ADCY5: variants seen among roughly 807,000 people sequenced by gnomAD.
ADCY5 encodes the protein adenylate cyclase type 5.
A neutral mutation model predicts 119.7 loss-of-function variants in ADCY5; 30 were observed. That is an observed-to-expected ratio of 0.25 (90% CI 0.19 to 0.34). The LOEUF is 0.34. Among genes scored for constraint, ADCY5 ranks in the 10% least tolerant of loss-of-function variants. The probability of loss-of-function intolerance (pLI) is 1.00; values close to 1 mark genes in which losing one functional copy is unlikely to be tolerated. For synonymous variants in ADCY5, 753 were observed against 762.2 expected (o/e 0.99, Z 0.20); for missense variants, 1,324 against 1,775.2 (o/e 0.75, Z 4.57).
chr3:123,377,511 C>G (rs1943877718), intron 1 of ADCY5, among the ~76,000 whole-genome samples: 2 of 152,226 alleles, frequency 1.3e-5, no homozygotes, highest in Non-Finnish European at 2.9e-5. Context: ...CCACACCTCC[C>G]TCCCTCTGAG....
intron 3 of ADCY5, among the ~76,000 whole-genome samples, chr3:123,336,529 C>T (rs1320144186): frequency 1.3e-5 from 2 of 152,188 alleles, no homozygotes; most frequent in Non-Finnish European, 2.9e-5. Flanking sequence ...GAGATGCCCC[C>T]GGGGTAGGAA....
chr3:123,425,911 G>A (rs987514017), intron 1 of ADCY5, among the ~76,000 whole-genome samples: 5 of 152,232 alleles, frequency 3.3e-5, no homozygotes, highest in African/African-American at 1.2e-4. Flanking sequence ...TGGAGGTAGT[G>A]CAGTTTTCTT....
intron 1 of ADCY5, among the ~76,000 whole-genome samples, chr3:123,374,886 A>T (rs1943762880): frequency 6.6e-6 from 1 of 152,200 alleles, no homozygotes; most frequent in South Asian, 2.1e-4. Context: ...CAGAGACGGA[A>T]AGTTGAGAAG....
At chr3:123,345,069 C>G (rs947497033) in intron 3 of ADCY5, among the ~76,000 whole-genome samples, 2 of 152,212 alleles carry the variant, frequency 1.3e-5, no homozygotes, top group African/African-American at 4.8e-5. Flanking sequence ...GGGCAGTGTT[C>G]TTTTATCAAC....
intron 13 of ADCY5, 30 bp downstream of exon 13, chr3:123,304,037 G>A (rs1332144684): frequency 2.1e-6 from 3 of 1,438,992 alleles, no homozygotes; most frequent in Admixed American, 3.3e-5. Flanking sequence ...TGGGGCTGCG[G>A]AGGTGCTAGG....
At chr3:123,433,997 C>A (rs1416428635) in intron 1 of ADCY5, among the ~76,000 whole-genome samples, 1 of 152,170 alleles carries the variant, frequency 6.6e-6, no homozygotes, top group African/African-American at 2.4e-5. Context: ...CCATTTAATG[C>A]CCGTCTGAGC....
chr3:123,319,920 CA>C, intron 9 of ADCY5, 102 bp from the exon 10 acceptor site: 1 of 1,470,450 alleles, frequency 6.8e-7, no homozygotes, highest in Non-Finnish European at 9.2e-7. Flanking sequence ...AGAGGCCTGG[CA>C]GCTGTCCACC....
intron 3 of ADCY5, among the ~76,000 whole-genome samples, chr3:123,341,999 G>A (rs1261733286): frequency 1.3e-5 from 2 of 152,048 alleles, no homozygotes; most frequent in African/African-American, 2.4e-5. Context: ...ATCTTGGCTC[G>A]CTGTAACCTC....
chr3:123,357,855 G>A (rs575802109), intron 1 of ADCY5, among the ~76,000 whole-genome samples: 5 of 152,252 alleles, frequency 3.3e-5, no homozygotes, highest in Admixed American at 2.6e-4. Context: ...TACACACAGA[G>A]GGAGTCTGAA....
At chr3:123,285,627 T>C (rs1285227573) in intron 20 of ADCY5, among the ~76,000 whole-genome samples, 2 of 152,218 alleles carry the variant, frequency 1.3e-5, no homozygotes, top group African/African-American at 4.8e-5. Context: ...TGTTACTAGC[T>C]GCAGTTCCTG....
intron 19 of ADCY5, among the ~76,000 whole-genome samples, chr3:123,289,117 G>A (rs1209682919): frequency 2.0e-5 from 3 of 152,172 alleles, no homozygotes. Flanking sequence ...ACTATCACAT[G>A]ATTCTTTAAA....
chr3:123,358,670 G>C (rs1053628447), intron 1 of ADCY5, among the ~76,000 whole-genome samples: 3 of 152,164 alleles, frequency 2.0e-5, no homozygotes, highest in Admixed American at 6.5e-5. Flanking sequence ...CAAGGTCCAG[G>C]GGGTCCCAGG....
intron 1 of ADCY5, among the ~76,000 whole-genome samples, chr3:123,407,765 CAA>C (rs753730627): frequency 1.1e-4 from 7 of 65,806 alleles, no homozygotes; most frequent in Admixed American, 1.5e-4. Flanking sequence ...GACCCTGTCT[CAA>C]AAAAAAAAAA....
At chr3:123,322,598 C>T (rs532873766) in intron 8 of ADCY5, among the ~76,000 whole-genome samples, 2 of 152,332 alleles carry the variant, frequency 1.3e-5, no homozygotes, top group East Asian at 3.9e-4. Context: ...TCTAACAGTT[C>T]TAGGACAGCG....
intron 1 of ADCY5, among the ~76,000 whole-genome samples, chr3:123,420,853 T>C (rs1945289885): frequency 6.6e-6 from 1 of 152,190 alleles, no homozygotes; most frequent in Non-Finnish European, 1.5e-5. Flanking sequence ...TGGTTCCTTC[T>C]GAGGGCTGTT....
intron 15 of ADCY5, among the ~76,000 whole-genome samples, chr3:123,297,661 T>G (rs1192294978): frequency 1.3e-5 from 2 of 152,164 alleles, no homozygotes; most frequent in Non-Finnish European, 2.9e-5. Flanking sequence ...GGTGGAGGCC[T>G]GCCCGCCTCT....
At chr3:123,295,820 C>T (rs775919262) in intron 17 of ADCY5, among the ~76,000 whole-genome samples, 1 of 152,236 alleles carries the variant, frequency 6.6e-6, no homozygotes, top group Non-Finnish European at 1.5e-5. Context: ...AAGCATGCCT[C>T]CTGGACCCGT....
At chr3:123,446,898 A>G (rs774734156) in intron 1 of ADCY5, among the ~76,000 whole-genome samples, 5 of 152,162 alleles carry the variant, frequency 3.3e-5, no homozygotes, top group Non-Finnish European at 7.4e-5. Flanking sequence ...TCCAGCTACC[A>G]AATCCCCAGC....
At chr3:123,343,086 T>A (rs1373793677) in intron 3 of ADCY5, among the ~76,000 whole-genome samples, 1 of 152,236 alleles carries the variant, frequency 6.6e-6, no homozygotes, top group Non-Finnish European at 1.5e-5. Context: ...CAGTACGTTG[T>A]CTAACATTAA....
Sources: gnomAD v4.1 joint callset for allele counts (sites outside exome capture counted in the v4.1 genomes callset) on GRCh38, gnomAD v4.1.1 for gene constraint, MANE v1.5 for transcripts, NCBI Gene and HGNC (gene_info 2026-07-23, HGNC 2026-07-21) for gene names.